Variants in MB observed in about 807,000 individuals in gnomAD.
The protein encoded by MB is nitrite reductase MB.
MB carries 10 observed loss-of-function variants against 14.5 expected under a neutral mutation model. The observed-to-expected ratio is 0.69, with a 90% CI of 0.43 to 1.17. The LOEUF is 1.17. Among genes scored for constraint, MB ranks in the 50% most tolerant of loss-of-function variants. The pLI, the probability that MB is intolerant of heterozygous loss-of-function variation, is 0.00. For synonymous variants in MB, 89 were observed against 78.6 expected, an observed-to-expected ratio of 1.13 and a Z score of -0.70; for missense variants, 169 against 192.7, an observed-to-expected ratio of 0.88 and a Z score of 0.73.
At chr22:35,615,982 C>A (rs5755795) in intron 1 of MB, among the ~76,000 whole-genome samples, 71,836 of 152,122 alleles carry the variant, frequency 0.47, 17,378 homozygotes, top group East Asian at 0.75. Flanking sequence ...CAGGACCAGC[C>A]ATGCTCCCGA....
rs762683228 is a variant in MB, at chr22:35,607,458, A to G, written c.319-15T>C. 6.2e-7 allele frequency: 1 copy of G among 1,611,368 alleles called. No homozygotes were observed. Among genetic ancestry groups the G allele is most frequent in the Non-Finnish European group, 8.5e-7 (1 of 1,177,972 alleles). On this transcript the variant is annotated splice_polypyrimidine_tract_variant and intron_variant, in intron 2 of 2. Coordinates refer to ENST00000397326, the MANE Select transcript of MB (RefSeq NM_005368.3). Reference sequence around the variant, plus strand: ...TCCGAGATGAACTGCAGGGAGGGTGAGGAGAGAAAATGGTCACCAGGGTGG... The same window carrying G: ...TCCGAGATGAACTGCAGGGAGGGTGGGGAGAGAAAATGGTCACCAGGGTGG...
intron 1 of MB, among the ~76,000 whole-genome samples, chr22:35,622,722 C>T (rs75353543): frequency 6.6e-5 from 10 of 152,124 alleles, no homozygotes; most frequent in Non-Finnish European, 1.5e-4. Context: ...CTGCCTCCCC[C>T]CTCCACCCTC....
chr22:35,613,874 GC>G (rs763965084), intron 1 of MB, among the ~76,000 whole-genome samples: 2 of 152,190 alleles, frequency 1.3e-5, no homozygotes, highest in Non-Finnish European at 2.9e-5. Context: ...CCACACAGCT[GC>G]CTGCCTCCTG....
At chr22:35,610,062 G>A (rs140387369) in intron 2 of MB, among the ~76,000 whole-genome samples, 45 of 152,258 alleles carry the variant, frequency 3.0e-4, no homozygotes, top group African/African-American at 1.0e-3. Flanking sequence ...CCATCCCAGC[G>A]GGTAGCTATC....
upstream of MB, among the ~76,000 whole-genome samples, chr22:35,620,003 T>C (rs1259235074): frequency 6.6e-6 from 1 of 152,212 alleles, no homozygotes; most frequent in Non-Finnish European, 1.5e-5. Context: ...GGCCCATCTC[T>C]TTAGCAGTGG....
In MB at chr22:35,608,321, C is replaced by G. The variant is rs1036727479; in HGVS notation, c.319-878G>C. 6.6e-6 allele frequency among the ~76,000 whole-genome samples: 1 copy of G among 152,166 alleles called. No individual in the cohort carries two copies. Among genetic ancestry groups the G allele is most frequent in the African/African-American group, 2.4e-5 (1 of 41,428 alleles). Reference sequence around the variant, plus strand: ...AGAGGAGAAAATCAAGTGGCCAGACCGAGGTCACGCAGGAAGCAGAGAGCA... The same window carrying G: ...AGAGGAGAAAATCAAGTGGCCAGACGGAGGTCACGCAGGAAGCAGAGAGCA... On this transcript the variant is annotated intron_variant, in intron 2 of 2. Transcript: ENST00000397326. This position sits in a 1 kb window ranked among gnomAD's most constrained non-coding sequence, Gnocchi z 4.3.
chr22:35,618,358 A>T (rs770565330), upstream of MB, among the ~76,000 whole-genome samples: 1 of 152,206 alleles, frequency 6.6e-6, no homozygotes, highest in Non-Finnish European at 1.5e-5. Context: ...TGAACTGAAT[A>T]AATGTTTATT....
chr22:35,609,381 A>T (rs890195995), intron 2 of MB, among the ~76,000 whole-genome samples: 2 of 152,116 alleles, frequency 1.3e-5, no homozygotes, highest in Admixed American at 6.5e-5. Context: ...GCCTTAGTGG[A>T]TGAACAGGGA....
chr22:35,621,422 C>A (rs998689232), upstream of MB, among the ~76,000 whole-genome samples: 2 of 152,198 alleles, frequency 1.3e-5, no homozygotes, highest in African/African-American at 2.4e-5. Context: ...GTGTCAAAGT[C>A]TTCAACTTTT....
intron 2 of MB, among the ~76,000 whole-genome samples, chr22:35,610,351 C>T (rs1169298594): frequency 6.6e-6 from 1 of 152,190 alleles, no homozygotes; most frequent in Admixed American, 6.5e-5. Context: ...TAGAGCCAAC[C>T]TGCTGGTCAC....
rs1236481419 is a variant in MB at position 35,610,646 on chromosome 22, A to G, written c.318+238T>C. Among the ~76,000 whole-genome samples the G allele has an allele frequency of 5.3e-5, 8 of 152,198 alleles. 1 individual carries two copies. The highest frequency in any genetic ancestry group is 1.5e-5 in the Non-Finnish European group (1 of 68,040). On this transcript the variant is annotated intron_variant, in intron 2 of 2. Transcript: ENST00000397326. ...TCCCCTCTCCCTTTCCTCTTTGGTA[A>G]TAAGATGTGAATTTGGCATACTAAA... is the stretch of plus-strand genomic sequence containing the variant.
At chr22:35,613,499 TA>T (rs1466751567) in intron 1 of MB, among the ~76,000 whole-genome samples, 3 of 152,188 alleles carry the variant, frequency 2.0e-5, no homozygotes, top group African/African-American at 7.2e-5. Context: ...ATATTTACTT[TA>T]TTAATATTTT....
chr22:35,617,420 C>T, upstream of MB: 2 of 604,332 alleles, frequency 3.3e-6, no homozygotes, highest in South Asian at 4.0e-5. Flanking sequence ...CCCTGCCCTC[C>T]TTCACTTTCT....
rs1922562568 is a variant in MB at position 35,610,900 on chromosome 22, G to A, written c.302C>T (p.Pro101Leu). Reference protein sequence around the residue: ...AQSHATKHKIPVKYLEFISEC... With the variant: ...AQSHATKHKILVKYLEFISEC... The stretch of plus-strand genomic sequence containing the variant: ...TGCTCCTACCTCCAGGTACTTCACG[G>A]GGATCTTGTGCTTGGTGGCATGCGA... Residue 101 changes from proline to leucine, a missense_variant, in exon 2 of 3, where the codon CCC becomes CTC. Coordinates refer to ENST00000397326, the MANE Select transcript of MB (RefSeq NM_005368.3). The A allele has an allele frequency of 1.9e-6, 3 of 1,613,866 alleles. No individual in the cohort carries two copies. Among genetic ancestry groups the A allele is most frequent in the Admixed American group, 3.3e-5 (2 of 59,994 alleles).
chr22:35,623,250 C>G (rs1031983826), exon 1 of MB: 1 of 152,332 alleles, frequency 6.6e-6, no homozygotes, highest in African/African-American at 2.4e-5. Flanking sequence ...AGTCTGGCTT[C>G]AGAGTCTCTG....
chr22:35,607,264 G>C lies in MB; in HGVS notation c.*33C>G, dbSNP rs1199529234. ...GACCCCGCTCTCTCTTGAACCCGGGGCCCAGATGGGTGGGGGTGGGAGCGG... is the reference window on the plus strand; with the variant it reads ...GACCCCGCTCTCTCTTGAACCCGGGCCCCAGATGGGTGGGGGTGGGAGCGG... On this transcript the variant is annotated 3_prime_UTR_variant, in exon 3 of 3. Coordinates refer to ENST00000397326, the MANE Select transcript of MB (RefSeq NM_005368.3). 6.3e-7 allele frequency: 1 copy of C among 1,598,496 alleles called. No homozygotes were observed. The highest frequency in any genetic ancestry group is 1.3e-5 in the African/African-American group (1 of 74,640).
rs1427133881 is a variant in MB, at chr22:35,617,164, T to G, written c.94A>C (p.Arg32=). 6.2e-7 allele frequency: 1 copy of G among 1,612,168 alleles called. No individual in the cohort carries two copies. The highest frequency in any genetic ancestry group is 8.5e-7 in the Non-Finnish European group (1 of 1,178,178). Residue 32 remains arginine, a splice_region_variant and synonymous_variant, in exon 1 of 3, where the codon AGG becomes CGG. Coordinates refer to ENST00000397326, the MANE Select transcript of MB (RefSeq NM_005368.3). ...IPGHGQEVLI[R]LFKGHPETLE... ...GGCAATGGAATCTCTTCCTTTTACC[T>G]GATGAGGACTTCCTGCCCATGGCCT...
chr22:35,623,269 CT>C (rs1443221270), exon 1 of MB: 1 of 152,312 alleles, frequency 6.6e-6, no homozygotes, highest in African/African-American at 2.4e-5. Flanking sequence ...TGCTTCATGG[CT>C]AAGAACTGGT....
At chr22:35,621,505 G>C (rs1348315243), upstream of MB, among the ~76,000 whole-genome samples, 5 of 152,278 alleles carry the variant, frequency 3.3e-5, no homozygotes, top group South Asian at 6.2e-4. Context: ...TAGAATTATA[G>C]GGCCATAGTA....
Sources: allele counts gnomAD v4.1 joint callset (sites outside exome capture counted in the v4.1 genomes callset), GRCh38; gene constraint gnomAD v4.1.1; non-coding constraint Gnocchi (gnomAD v3.1); transcripts MANE v1.5; gene names NCBI Gene and HGNC (gene_info 2026-07-23, HGNC 2026-07-21).